INPP4B: variants seen among roughly 807,000 people sequenced by gnomAD.
INPP4B encodes the protein inositol polyphosphate-4-phosphatase type II B.
Under a neutral mutation model 122.5 loss-of-function variants are expected in INPP4B, and 55 were observed. The observed-to-expected ratio is 0.45, with a 90% CI of 0.36 to 0.56. INPP4B has a LOEUF of 0.56. INPP4B is among the 20% of genes least tolerant of loss of function. The probability of loss-of-function intolerance (pLI) is 0.00; values close to 1 mark genes in which losing one functional copy is unlikely to be tolerated. For synonymous variants in INPP4B, 403 were observed against 388.7 expected (o/e 1.04, Z -0.43); for missense variants, 1,000 against 1,097.7 (o/e 0.91, Z 1.26).
rs554359886 is a variant in INPP4B, at chr4:142,625,895, C to T, written c.-191+99944G>A. Among the ~76,000 whole-genome samples, 9 of 152,134 alleles carry T rather than the reference C, an allele frequency of 5.9e-5. No homozygotes were observed. The South Asian group carries it at 8.3e-4, about 14-fold the overall frequency. Reference sequence around the variant, plus strand: ...CAAGAAATGGGGAAAGGATTCCCTACTTAATAAATGGTGCTGGGAGAACTG... The same window carrying T: ...CAAGAAATGGGGAAAGGATTCCCTATTTAATAAATGGTGCTGGGAGAACTG... On this transcript the variant is annotated intron_variant, in intron 2 of 25. Transcript: ENST00000262992.
intron 25 of INPP4B, among the ~76,000 whole-genome samples, chr4:142,042,554 G>GTATTTATT (rs1450370465): frequency 3.4e-4 from 11 of 32,704 alleles, no homozygotes; most frequent in African/African-American, 6.4e-4. Flanking sequence ...ATGTATGTAT[G>GTATTTATT]TATGTATTTA....
At chr4:142,185,468 T>G (rs17015729) in intron 15 of INPP4B, among the ~76,000 whole-genome samples, 14,697 of 151,676 alleles carry the variant, frequency 0.097, 797 homozygotes, top group Middle Eastern at 0.14. Context: ...CCAAACTCAG[T>G]ACTCAAGACT....
chr4:142,132,071 A>C (rs1265845880), intron 18 of INPP4B, among the ~76,000 whole-genome samples: 1 of 152,136 alleles, frequency 6.6e-6, no homozygotes, highest in Non-Finnish European at 1.5e-5. Context: ...TATTTATGAG[A>C]AAGTTAAGTA....
chr4:142,181,501 C>A (rs573406412), intron 15 of INPP4B, among the ~76,000 whole-genome samples: 1 of 152,260 alleles, frequency 6.6e-6, no homozygotes, highest in African/African-American at 2.4e-5. Context: ...AGATTGATGT[C>A]TTCTGCATAC....
chr4:142,574,405 G>A (rs1345034094), intron 2 of INPP4B, among the ~76,000 whole-genome samples: 2 of 152,002 alleles, frequency 1.3e-5, no homozygotes, highest in Admixed American at 1.3e-4. Context: ...AGACCGTAAT[G>A]GTCTCTCTTC....
At chr4:142,360,373 C>T (rs1784989927) in intron 7 of INPP4B, among the ~76,000 whole-genome samples, 3 of 151,908 alleles carry the variant, frequency 2.0e-5, no homozygotes, top group Non-Finnish European at 4.4e-5. Context: ...AGGGTGGTTA[C>T]CTAAAACTAT....
chr4:142,187,528 A>G (rs1480547000), intron 15 of INPP4B, among the ~76,000 whole-genome samples: 1 of 151,856 alleles, frequency 6.6e-6, no homozygotes, highest in African/African-American at 2.4e-5. Context: ...GTGTATATCT[A>G]TCTATATATA....
At chr4:142,455,149 C>T (rs1004644109) in intron 3 of INPP4B, among the ~76,000 whole-genome samples, 4 of 151,940 alleles carry the variant, frequency 2.6e-5, no homozygotes, top group African/African-American at 9.7e-5. Flanking sequence ...AAGCAATTAT[C>T]CTTTGTGTTA....
chr4:142,711,604 C>T (rs1763124164), intron 2 of INPP4B, among the ~76,000 whole-genome samples: 2 of 152,102 alleles, frequency 1.3e-5, no homozygotes, highest in Non-Finnish European at 2.9e-5. Flanking sequence ...TTAAAAAGGA[C>T]TCTTAGCCAT....
At chr4:142,532,324 G>A (rs1381080551) in intron 2 of INPP4B, among the ~76,000 whole-genome samples, 1 of 152,072 alleles carries the variant, frequency 6.6e-6, no homozygotes, top group Admixed American at 6.6e-5. Flanking sequence ...CCTCCCAGTC[G>A]AAGATCTTTG....
intron 2 of INPP4B, among the ~76,000 whole-genome samples, chr4:142,632,997 A>G (rs1748315831): frequency 2.0e-5 from 3 of 151,936 alleles, no homozygotes; most frequent in Admixed American, 2.0e-4. Context: ...AAACATCTCA[A>G]TTTAAAAAAC....
At chr4:142,128,304 A>T (rs561130242) in intron 18 of INPP4B, among the ~76,000 whole-genome samples, 31 of 151,804 alleles carry the variant, frequency 2.0e-4, no homozygotes, top group African/African-American at 7.0e-4. Flanking sequence ...CTAAACTCAG[A>T]AGAGTGGATG....
At chr4:142,367,230 G>A (rs1303648168) in intron 7 of INPP4B, among the ~76,000 whole-genome samples, 1 of 150,732 alleles carries the variant, frequency 6.6e-6, no homozygotes, top group Admixed American at 6.6e-5. Context: ...GTGTGTATTT[G>A]CCAGTCATTA....
In INPP4B at chr4:142,550,317, G is replaced by T. The variant is rs77415263; in HGVS notation, c.-190-87591C>A. Among the ~76,000 whole-genome samples the T allele has an allele frequency of 6.3e-3, 951 of 152,148 alleles. 4 individuals carry two copies. Among genetic ancestry groups the T allele is most frequent in the South Asian group, 0.021 (100 of 4,816 alleles). On this transcript the variant is annotated intron_variant, in intron 2 of 25. Coordinates refer to ENST00000262992, the MANE Select transcript of INPP4B (RefSeq NM_001101669.3). ...TGCTGCATAGTCTGGAAGACAAATT[G>T]ATATTCTCCATAGGAACAGACAGGA...
At chr4:142,584,493 A>C (rs1485925576) in intron 2 of INPP4B, among the ~76,000 whole-genome samples, 1 of 152,070 alleles carries the variant, frequency 6.6e-6, no homozygotes, top group East Asian at 1.9e-4. Context: ...TTTCTACGAC[A>C]AGTTTTAGGA....
At chr4:142,561,176 T>G (rs1169730411) in intron 2 of INPP4B, among the ~76,000 whole-genome samples, 3 of 152,230 alleles carry the variant, frequency 2.0e-5, no homozygotes, top group African/African-American at 7.2e-5. Context: ...TTATTCAATG[T>G]GGTAGAAGAC....
chr4:142,449,698 C>CAA (rs761552688), intron 3 of INPP4B, among the ~76,000 whole-genome samples: 10 of 105,292 alleles, frequency 9.5e-5, no homozygotes, highest in South Asian at 3.0e-4. Context: ...GACTCTGTCC[C>CAA]AAAAAAAAAA....
chr4:142,160,755 G>A (rs181709867), intron 16 of INPP4B, among the ~76,000 whole-genome samples, 194 bp from the exon 17 acceptor site: 1 of 152,114 alleles, frequency 6.6e-6, no homozygotes, highest in East Asian at 2.0e-4. Flanking sequence ...AAGGCCTTAA[G>A]TCCTCCTGTT....
At position 142,257,642 on chromosome 4, in the gene INPP4B, T is replaced by C. The variant is rs9684622; in HGVS notation, c.688+2850A>G. Among the ~76,000 whole-genome samples the C allele has an allele frequency of 4.5e-3, 682 of 152,266 alleles. 4 individuals carry two copies. Among genetic ancestry groups the C allele is most frequent in the African/African-American group, 0.016 (644 of 41,540 alleles). On this transcript the variant is annotated intron_variant, in intron 11 of 25. Coordinates refer to ENST00000262992, the MANE Select transcript of INPP4B (RefSeq NM_001101669.3). Reference sequence around the variant, plus strand: ...AGAATCAAATACCTAGGAATCCAACTTACAAGGGATGTGAAGGATTTCTTC... The same window carrying C: ...AGAATCAAATACCTAGGAATCCAACCTACAAGGGATGTGAAGGATTTCTTC...
Sources: gnomAD v4.1 joint callset for allele counts (sites outside exome capture counted in the v4.1 genomes callset) on GRCh38, gnomAD v4.1.1 for gene constraint, MANE v1.5 for transcripts, NCBI Gene and HGNC (gene_info 2026-07-23, HGNC 2026-07-21) for gene names.